NTF3: variants seen among roughly 807,000 people sequenced by gnomAD.
NTF3 encodes neurotrophin 3, also known as neurotrophin-3.
Under a neutral mutation model 26.3 loss-of-function variants are expected in NTF3, and 8 were observed. The ratio of observed to expected loss-of-function variants is 0.30; its 90% confidence interval spans 0.18 to 0.55. The LOEUF (loss-of-function observed/expected upper bound fraction) is 0.55. NTF3 is among the 20% of genes least tolerant of loss of function. The probability of loss-of-function intolerance (pLI) is 0.93; values close to 1 mark genes in which losing one functional copy is unlikely to be tolerated. For missense variants in NTF3, 276 were observed against 352.9 expected, an observed-to-expected ratio of 0.78 and a Z score of 1.75; for synonymous variants, 154 against 145.5, an observed-to-expected ratio of 1.06 and a Z score of -0.42.
At position 5,495,200 on chromosome 12, in the gene NTF3, C is replaced by T. The variant is rs773369426; in HGVS notation, c.*212C>T. On this transcript the variant is annotated 3_prime_UTR_variant, in exon 2 of 2. Transcript: ENST00000423158. ...ATCTGTTAAAACTTGTTTTGTGATC[C>T]GGCTCTCAGGAGTCACTCTGTAAAA... 5 of 559,974 alleles carry T rather than the reference C, an allele frequency of 8.9e-6. No homozygotes were observed. Among genetic ancestry groups the T allele is most frequent in the Non-Finnish European group, 1.6e-5 (5 of 315,120 alleles). 34.7% of individuals were successfully genotyped at this position (559,974 alleles called of 1,614,324 possible).
intron 1 of NTF3, among the ~76,000 whole-genome samples, chr12:5,440,506 C>T (rs989813654): frequency 6.6e-6 from 1 of 152,154 alleles, no homozygotes; most frequent in Non-Finnish European, 1.5e-5. Context: ...ATCTAGAGGA[C>T]CTGCTTCTAA....
At chr12:5,493,504 G>A (rs760238738) in intron 1 of NTF3, among the ~76,000 whole-genome samples, 12 of 152,230 alleles carry the variant, frequency 7.9e-5, no homozygotes, top group Middle Eastern at 3.4e-3. Flanking sequence ...GAGCGTCCCC[G>A]GGGATGGAGC....
upstream of NTF3, among the ~76,000 whole-genome samples, chr12:5,431,795 G>A (rs923906581): frequency 6.6e-6 from 1 of 152,114 alleles, no homozygotes; most frequent in Non-Finnish European, 1.5e-5. Context: ...TACATTTAAC[G>A]TTTCGTTTTT....
At chr12:5,443,528 C>G (rs1417594518) in intron 1 of NTF3, among the ~76,000 whole-genome samples, 2 of 152,164 alleles carry the variant, frequency 1.3e-5, no homozygotes, top group East Asian at 3.8e-4. Context: ...CTTTCCTGGA[C>G]TTTCCTTCCA....
Position 5,432,108 on chromosome 12 carries a change from A to T in NTF3, c.-217A>T. 1 of 626,806 alleles carries T rather than the reference A, an allele frequency of 1.6e-6. No individual in the cohort carries two copies. Among genetic ancestry groups the T allele is most frequent in the South Asian group, 1.8e-5 (1 of 56,212 alleles). 38.8% of individuals were successfully genotyped at this position (626,806 alleles called of 1,614,324 possible). A position where few individuals can be genotyped will look rare whatever the true frequency, so the allele number is the denominator to read the frequency against. Reference sequence around the variant, plus strand: ...TAACCGCGCAGATTCTGTTCACGGGACTCAGAGTTGAAGCTCCTCTCCCTT... The same window carrying T: ...TAACCGCGCAGATTCTGTTCACGGGTCTCAGAGTTGAAGCTCCTCTCCCTT... On this transcript the variant is annotated 5_prime_UTR_variant, in exon 1 of 2. Transcript: ENST00000423158.
intron 1 of NTF3, among the ~76,000 whole-genome samples, chr12:5,469,181 G>A (rs754015736): frequency 8.5e-5 from 13 of 152,068 alleles, no homozygotes; most frequent in Non-Finnish European, 1.6e-4. Flanking sequence ...AGAAAATTAT[G>A]GCAAGTTGTG....
chr12:5,480,047 C>G (rs1268650276), intron 1 of NTF3, among the ~76,000 whole-genome samples: 1 of 152,174 alleles, frequency 6.6e-6, no homozygotes, highest in Non-Finnish European at 1.5e-5. Flanking sequence ...CTCAGGCTCC[C>G]TTGATCAATT....
At chr12:5,483,981 C>G (rs1940837917) in intron 1 of NTF3, among the ~76,000 whole-genome samples, 1 of 152,092 alleles carries the variant, frequency 6.6e-6, no homozygotes, top group Non-Finnish European at 1.5e-5. Context: ...AGTAGGGCTG[C>G]TGGGGCCTCA....
chr12:5,442,846 G>A (rs1940255981), intron 1 of NTF3, among the ~76,000 whole-genome samples: 1 of 152,222 alleles, frequency 6.6e-6, no homozygotes, highest in African/African-American at 2.4e-5. Context: ...TGTGCGAGGT[G>A]CCGTGTGGGA....
chr12:5,475,861 A>AGT (rs1940716923), intron 1 of NTF3, among the ~76,000 whole-genome samples: 2 of 150,778 alleles, frequency 1.3e-5, no homozygotes, highest in South Asian at 4.3e-4. Flanking sequence ...AGAAAGAGAG[A>AGT]GAGAGAGAGA....
At chr12:5,459,231 G>A (rs746316748) in intron 1 of NTF3, among the ~76,000 whole-genome samples, 30 of 152,160 alleles carry the variant, frequency 2.0e-4, no homozygotes, top group African/African-American at 7.0e-4. Context: ...ATGAGATGAC[G>A]TCAGAGGATG....
At chr12:5,447,319 G>A in intron 1 of NTF3, among the ~76,000 whole-genome samples, 1 of 152,214 alleles carries the variant, frequency 6.6e-6, no homozygotes, top group East Asian at 1.9e-4. Flanking sequence ...CGTGAATTGA[G>A]TAAAAAGTTT....
intron 1 of NTF3, among the ~76,000 whole-genome samples, chr12:5,491,019 A>T (rs1053746534): frequency 6.6e-6 from 1 of 152,172 alleles, no homozygotes; most frequent in Non-Finnish European, 1.5e-5. Context: ...AGGTGCTTCC[A>T]TGTGGATTTC....
chr12:5,477,572 G>A (rs954605789), intron 1 of NTF3, among the ~76,000 whole-genome samples: 1 of 152,186 alleles, frequency 6.6e-6, no homozygotes, highest in Non-Finnish European at 1.5e-5. Flanking sequence ...TGCGTCATAG[G>A]GTTATTGTAG....
At chr12:5,479,042 C>T (rs542179936) in intron 1 of NTF3, among the ~76,000 whole-genome samples, 57 of 152,350 alleles carry the variant, frequency 3.7e-4, no homozygotes, top group Middle Eastern at 3.4e-3. Flanking sequence ...CATGCATCAT[C>T]CAAACTCATC....
chr12:5,456,510 G>A lies in NTF3; in HGVS notation c.18+24168G>A, dbSNP rs555201286. On this transcript the variant is annotated intron_variant, in intron 1 of 1. Coordinates refer to ENST00000423158, the MANE Select transcript of NTF3 (RefSeq NM_001102654.2). The surrounding 1 kb of genome is among the most constrained non-coding windows in gnomAD (Gnocchi z 4.4). ...AACGGCACCTAACCACCTCAGGCAC[G>A]GTGGACCTGGCTCCTCAGAGAGCTC... Among the ~76,000 whole-genome samples the A allele has an allele frequency of 9.9e-5, 15 of 152,170 alleles. No individual in the cohort carries two copies. Among genetic ancestry groups the A allele is most frequent in the South Asian group, 4.2e-4 (2 of 4,814 alleles).
At chr12:5,475,052 A>G (rs193064593) in intron 1 of NTF3, among the ~76,000 whole-genome samples, 2 of 152,246 alleles carry the variant, frequency 1.3e-5, no homozygotes, top group East Asian at 3.9e-4. Flanking sequence ...ATGGATGTCT[A>G]TGGGTTTGGA....
At chr12:5,487,885 G>A (rs1226276985) in intron 1 of NTF3, among the ~76,000 whole-genome samples, 1 of 152,196 alleles carries the variant, frequency 6.6e-6, no homozygotes, top group Non-Finnish European at 1.5e-5. Flanking sequence ...CTCACTGACT[G>A]CTTCTAGTTT....
intron 1 of NTF3, among the ~76,000 whole-genome samples, chr12:5,460,478 T>C (rs1940511685): frequency 6.6e-6 from 1 of 152,224 alleles, no homozygotes; most frequent in Non-Finnish European, 1.5e-5. Context: ...TCCTTTCACT[T>C]AGCAATATGC....
Sources: allele counts gnomAD v4.1 joint callset (sites outside exome capture counted in the v4.1 genomes callset), GRCh38; gene constraint gnomAD v4.1.1; non-coding constraint Gnocchi (gnomAD v3.1); transcripts MANE v1.5; gene names NCBI Gene and HGNC (gene_info 2026-07-23, HGNC 2026-07-21).